Variants in CHSY3 observed in about 807,000 individuals in gnomAD.
The protein encoded by CHSY3 is N-acetylgalactosaminyl-proteoglycan 3-beta-glucuronosyltransferase 3.
A neutral mutation model predicts 67.2 loss-of-function variants in CHSY3; 35 were observed. The observed-to-expected ratio is 0.52, with a 90% CI of 0.40 to 0.69. The LOEUF is 0.69. Among genes scored for constraint, CHSY3 ranks in the 30% least tolerant of loss-of-function variants. The pLI is 0.00. For synonymous variants in CHSY3, 474 were observed against 434.7 expected, an observed-to-expected ratio of 1.09 and a Z score of -1.12; for missense variants, 1,069 against 1,138.5, an observed-to-expected ratio of 0.94 and a Z score of 0.88.
At chr5:130,107,835 A>G (rs1767460859) in intron 2 of CHSY3, among the ~76,000 whole-genome samples, 1 of 151,498 alleles carries the variant, frequency 6.6e-6, no homozygotes, top group Non-Finnish European at 1.5e-5. Context: ...CAATCACTCA[A>G]ATCAGTTGGC....
chr5:130,057,900 C>CACAG (rs1554079828), intron 2 of CHSY3, among the ~76,000 whole-genome samples: 5 of 149,216 alleles, frequency 3.4e-5, no homozygotes, highest in African/African-American at 1.2e-4. Context: ...TACATGCACA[C>CACAG]AGAGAGAGAG....
chr5:129,983,886 A>G (rs1440336499), intron 2 of CHSY3, among the ~76,000 whole-genome samples: 1 of 152,152 alleles, frequency 6.6e-6, no homozygotes, highest in Non-Finnish European at 1.5e-5. Flanking sequence ...TTTGGTCATC[A>G]GTAAAGATGC....
chr5:129,946,032 G>A (rs1316474471), intron 2 of CHSY3, among the ~76,000 whole-genome samples: 2 of 152,090 alleles, frequency 1.3e-5, no homozygotes, highest in African/African-American at 4.8e-5. Context: ...ACTTAGCTGT[G>A]ACTTGAATAG....
At chr5:129,911,884 G>T (rs1301293878) in intron 2 of CHSY3, among the ~76,000 whole-genome samples, 1 of 152,014 alleles carries the variant, frequency 6.6e-6, no homozygotes, top group Non-Finnish European at 1.5e-5. Flanking sequence ...GTGAAACCCC[G>T]TCTCTACTAA....
chr5:130,017,577 A>T (rs1187247207), intron 2 of CHSY3, among the ~76,000 whole-genome samples: 3 of 152,148 alleles, frequency 2.0e-5, no homozygotes, highest in Non-Finnish European at 2.9e-5. Context: ...TTTCTTCAAT[A>T]TGAAAATTTG....
At chr5:130,099,640 T>G (rs964030419) in intron 2 of CHSY3, among the ~76,000 whole-genome samples, 1 of 152,236 alleles carries the variant, frequency 6.6e-6, no homozygotes, top group African/African-American at 2.4e-5. Flanking sequence ...ATCTTTTCAT[T>G]TATTTTGCAC....
chr5:130,171,238 CTATA>C (rs1037853359), intron 2 of CHSY3, among the ~76,000 whole-genome samples: 1 of 152,054 alleles, frequency 6.6e-6, no homozygotes, highest in African/African-American at 2.4e-5. Flanking sequence ...CAGGAAATAT[CTATA>C]TAGTCACTCT....
At chr5:130,028,943 A>G (rs1764632980) in intron 2 of CHSY3, among the ~76,000 whole-genome samples, 1 of 150,896 alleles carries the variant, frequency 6.6e-6, no homozygotes, top group African/African-American at 2.4e-5. Flanking sequence ...TCACCACCTC[A>G]TATCTCTCTC....
chr5:130,059,637 A>G (rs545098596), intron 2 of CHSY3, among the ~76,000 whole-genome samples: 1 of 152,244 alleles, frequency 6.6e-6, no homozygotes, highest in African/African-American at 2.4e-5. Context: ...AAGAGTCCCA[A>G]GTTCCAGGGA....
intron 2 of CHSY3, among the ~76,000 whole-genome samples, chr5:130,022,548 A>G (rs574046363): frequency 1.3e-5 from 2 of 152,112 alleles, no homozygotes; most frequent in Admixed American, 6.6e-5. Context: ...TATTCTGTCA[A>G]TGACATCTTG....
intron 2 of CHSY3, among the ~76,000 whole-genome samples, chr5:129,985,169 C>T (rs1392805209): frequency 6.6e-6 from 1 of 151,990 alleles, no homozygotes; most frequent in Non-Finnish European, 1.5e-5. Flanking sequence ...TACATTTAAG[C>T]ATTTAATTAA....
chr5:130,004,007 T>C (rs1763805427), intron 2 of CHSY3, among the ~76,000 whole-genome samples: 1 of 152,216 alleles, frequency 6.6e-6, no homozygotes, highest in East Asian at 1.9e-4. Flanking sequence ...TATTTTTCCT[T>C]TGAGAACTTT....
At chr5:130,172,980 T>C (rs1769937070) in intron 2 of CHSY3, among the ~76,000 whole-genome samples, 1 of 152,214 alleles carries the variant, frequency 6.6e-6, no homozygotes, top group Admixed American at 6.5e-5. Context: ...TTTAAAAGGA[T>C]ATCCACAAAC....
chr5:129,975,761 A>C (rs533166594), intron 2 of CHSY3, among the ~76,000 whole-genome samples: 14 of 152,272 alleles, frequency 9.2e-5, no homozygotes, highest in African/African-American at 2.9e-4. Context: ...CTGTTTGGTG[A>C]TGATGATGGT....
intron 2 of CHSY3, among the ~76,000 whole-genome samples, chr5:130,033,562 C>T (rs914275888): frequency 6.6e-6 from 1 of 152,176 alleles, no homozygotes; most frequent in African/African-American, 2.4e-5. Context: ...GTAACTCCCA[C>T]TGATTTGGAA....
intron 2 of CHSY3, among the ~76,000 whole-genome samples, chr5:130,148,997 A>G (rs1012112505): frequency 1.3e-5 from 2 of 152,154 alleles, no homozygotes; most frequent in African/African-American, 4.8e-5. Flanking sequence ...GGTGTTGCCT[A>G]GGTTACCTTC....
intron 2 of CHSY3, among the ~76,000 whole-genome samples, chr5:130,102,638 T>C (rs1180455851): frequency 6.6e-6 from 1 of 152,044 alleles, no homozygotes; most frequent in Non-Finnish European, 1.5e-5. Context: ...TAATATTCCA[T>C]CTGCTAGGTA....
intron 2 of CHSY3, among the ~76,000 whole-genome samples, chr5:130,076,906 A>G (rs1766280439): frequency 7.1e-6 from 1 of 141,824 alleles, no homozygotes; most frequent in Admixed American, 7.1e-5. Flanking sequence ...ATGAGAACAC[A>G]TGGACACAGG....
At chr5:130,101,552 G>A (rs1019534696) in intron 2 of CHSY3, among the ~76,000 whole-genome samples, 12 of 151,872 alleles carry the variant, frequency 7.9e-5, no homozygotes, top group South Asian at 2.1e-4. Flanking sequence ...AGTCAATCTC[G>A]TTATCATACC....
Sources: allele counts gnomAD v4.1 joint callset (sites outside exome capture counted in the v4.1 genomes callset), GRCh38; gene constraint gnomAD v4.1.1; transcripts MANE v1.5; gene names NCBI Gene and HGNC (gene_info 2026-07-23, HGNC 2026-07-21).